The following LRRC61 variants were observed in gnomAD, a reference collection of about 807,000 sequenced individuals.
LRRC61 encodes the protein leucine rich repeat containing 61, also known as leucine-rich repeat-containing protein 61.
LRRC61 carries 9 observed loss-of-function variants against 15.1 expected under a neutral mutation model. The observed-to-expected ratio is 0.60, with a 90% CI of 0.36 to 1.04. LRRC61 has a LOEUF of 1.04. LRRC61 is among the 50% of genes least tolerant of loss of function. The pLI is 0.01. For missense variants in LRRC61, 344 were observed against 335.6 expected, an observed-to-expected ratio of 1.03 and a Z score of -0.20; for synonymous variants, 173 against 158.6, an observed-to-expected ratio of 1.09 and a Z score of -0.68.
chr7:150,316,351 C>T, the LRRC61 span, among the ~76,000 whole-genome samples: 2 of 152,192 alleles, frequency 1.3e-5, no homozygotes, highest in African/African-American at 4.8e-5. Context: ...AGTGTTTCGA[C>T]TGTAGTAGCT....
At chr7:150,322,658 G>A (rs960052949), upstream of LRRC61, 5 of 152,162 alleles carry the variant, frequency 3.3e-5, no homozygotes, top group Non-Finnish European at 5.9e-5. Flanking sequence ...CCAAAAAATG[G>A]GTAACCAGTA....
chr7:150,329,259 A>C (rs1318531703), intron 2 of LRRC61, among the ~76,000 whole-genome samples: 7 of 152,230 alleles, frequency 4.6e-5, no homozygotes, highest in African/African-American at 1.7e-4. Context: ...TCAGTACCTG[A>C]GAAGAGTAAA....
rs1798257920 is a variant in LRRC61, at chr7:150,335,431, A to G, written c.-144-1287A>G. ...GGAGCTAGATAAGGAAATGGGGGCC[A>G]TAAGCACAAGGACTCCCCTTTCCAG... On this transcript the variant is annotated intron_variant, in intron 2 of 2. Coordinates refer to ENST00000359623, the MANE Select transcript of LRRC61 (RefSeq NM_001142928.2). The surrounding 1 kb of genome is among the most constrained non-coding windows in gnomAD (Gnocchi z 4.3). Among the ~76,000 whole-genome samples the G allele has an allele frequency of 6.6e-6, 1 of 152,258 alleles. No individual in the cohort carries two copies. Among genetic ancestry groups the G allele is most frequent in the Non-Finnish European group, 1.5e-5 (1 of 68,046 alleles).
chr7:150,330,632 G>A lies in LRRC61; in HGVS notation c.-145+4622G>A. On this transcript the variant is annotated intron_variant, in intron 2 of 2. Transcript: ENST00000359623. The surrounding 1 kb of genome is among the most constrained non-coding windows in gnomAD (Gnocchi z 4.6). ...GCGAGGAGTTTGTGCTGGCCACCTT[G>A]CTGGACCCTTGCTTCAAGGGGAAGA... 1.1e-6 allele frequency: 1 copy of A among 926,292 alleles called. No individual in the cohort carries two copies. The highest frequency in any genetic ancestry group is 1.8e-6 in the Non-Finnish European group (1 of 551,394). The allele number at this position is 926,292 out of a possible 1,614,324, so 57.4% of individuals were successfully genotyped here. A position where few individuals can be genotyped will look rare whatever the true frequency, so the allele number is the denominator to read the frequency against.
At chr7:150,327,489 C>T (rs1797986242) in intron 2 of LRRC61, among the ~76,000 whole-genome samples, 1 of 152,112 alleles carries the variant, frequency 6.6e-6, no homozygotes, top group Non-Finnish European at 1.5e-5. Flanking sequence ...ATTCATCTGT[C>T]TCCTTTTAAA....
rs983253610 is a variant in LRRC61 at position 150,333,896 on chromosome 7, C to G, written c.-144-2822C>G. The G allele has an allele frequency of 5.1e-6, 5 of 985,186 alleles. No individual in the cohort carries two copies. The African/African-American group carries it at 7.0e-5, about 14-fold the overall frequency. The allele number at this position is 985,186 out of a possible 1,614,324, so 61.0% of individuals were successfully genotyped here. A position where few individuals can be genotyped will look rare whatever the true frequency, so the allele number is the denominator to read the frequency against. On this transcript the variant is annotated intron_variant, in intron 2 of 2. Transcript: ENST00000359623. The surrounding 1 kb of genome is among the most constrained non-coding windows in gnomAD (Gnocchi z 4.3). Reference sequence around the variant, plus strand: ...GTGTGCAGGTGATGGACCAGAAACACAGCAGAGGTCACTGACCCCCAAGAG... The same window carrying G: ...GTGTGCAGGTGATGGACCAGAAACAGAGCAGAGGTCACTGACCCCCAAGAG...
rs1798265286 is a variant in LRRC61 at position 150,335,728 on chromosome 7, A to C, written c.-144-990A>C. Among the ~76,000 whole-genome samples the C allele has an allele frequency of 6.6e-6, 1 of 152,184 alleles. No individual in the cohort carries two copies. Among genetic ancestry groups the C allele is most frequent in the South Asian group, 2.1e-4 (1 of 4,832 alleles). The stretch of plus-strand genomic sequence containing the variant: ...CTGGCCAAAGTCTGCCAGGTTGGGA[A>C]AGCTGCGCTTGGAAGAGGTCTGTTA... On this transcript the variant is annotated intron_variant, in intron 2 of 2. Coordinates refer to ENST00000359623, the MANE Select transcript of LRRC61 (RefSeq NM_001142928.2). The surrounding 1 kb of genome is among the most constrained non-coding windows in gnomAD (Gnocchi z 4.3).
chr7:150,336,828 C>T lies in LRRC61; in HGVS notation c.-34C>T, dbSNP rs1321564618. On this transcript the variant is annotated 5_prime_UTR_variant, in exon 3 of 3. Coordinates refer to ENST00000359623, the MANE Select transcript of LRRC61 (RefSeq NM_001142928.2). The stretch of plus-strand genomic sequence containing the variant: ...CAGTGGAACCCTGTGACAGTCCTGC[C>T]AGGGCCCAGGCCATCCCAACCGACT... 6.4e-7 allele frequency: 1 copy of T among 1,571,070 alleles called. No homozygotes were observed. The highest frequency in any genetic ancestry group is 8.6e-7 in the Non-Finnish European group (1 of 1,156,600).
Position 150,337,082 on chromosome 7 carries a change from T to C in LRRC61, c.221T>C (p.Leu74Ser). 1.2e-6 allele frequency: 2 copies of C among 1,612,860 alleles called. No homozygotes were observed. The highest frequency in any genetic ancestry group is 1.1e-5 in the South Asian group (1 of 91,074). The change falls in exon 3 of 3, where the codon TTG becomes TCG. Residue 74 changes from leucine (L) to serine (S), a missense_variant. Physicochemically the swap from Leu to Ser is moderately radical, Grantham distance 145. Transcript: ENST00000359623. ...ACCCACCTGGGCCCGCTGGCCTCCTTGCGCCAGCTAGCTGTGCTCAATGTC... is the reference window on the plus strand; with the variant it reads ...ACCCACCTGGGCCCGCTGGCCTCCTCGCGCCAGCTAGCTGTGCTCAATGTC... ...ALTHLGPLAS[L>S]RQLAVLNVSN...
chr7:150,335,034 A>G lies in LRRC61; in HGVS notation c.-144-1684A>G, dbSNP rs1180997823. Among the ~76,000 whole-genome samples, 2 of 150,100 alleles carry G rather than the reference A, an allele frequency of 1.3e-5. No homozygotes were observed. Among genetic ancestry groups the G allele is most frequent in the African/African-American group, 4.9e-5 (2 of 40,950 alleles). ...AACAAGAGTGAAACTCTGTCTCAAAAAAAAAAAAAAAAAAGAAAAAAAGGA... is the reference window on the plus strand; with the variant it reads ...AACAAGAGTGAAACTCTGTCTCAAAGAAAAAAAAAAAAAAGAAAAAAAGGA... On this transcript the variant is annotated intron_variant, in intron 2 of 2. Transcript: ENST00000359623. This position sits in a 1 kb window ranked among gnomAD's most constrained non-coding sequence, Gnocchi z 4.3.
At chr7:150,327,664 T>G (rs911204622) in intron 2 of LRRC61, among the ~76,000 whole-genome samples, 2 of 151,736 alleles carry the variant, frequency 1.3e-5, no homozygotes, top group African/African-American at 2.4e-5. Flanking sequence ...ACAAAAAAAT[T>G]AAAAGAATTA....
rs763925605 is a variant in LRRC61 at position 150,330,890 on chromosome 7, G to T, written c.-145+4880G>T. Reference sequence around the variant, plus strand: ...GCAGCCACTCTGGGGCCTTCCTGCTGGCCCAGAGGGAGAAGGGCTTGCTGG... The same window carrying T: ...GCAGCCACTCTGGGGCCTTCCTGCTTGCCCAGAGGGAGAAGGGCTTGCTGG... On this transcript the variant is annotated intron_variant, in intron 2 of 2. Transcript: ENST00000359623. The surrounding 1 kb of genome is among the most constrained non-coding windows in gnomAD (Gnocchi z 4.6). 6.2e-7 allele frequency: 1 copy of T among 1,611,672 alleles called. No individual in the cohort carries two copies. The highest frequency in any genetic ancestry group is 1.3e-5 in the African/African-American group (1 of 74,892).
chr7:150,318,260 A>ATCCC, the LRRC61 span, among the ~76,000 whole-genome samples: 4 of 152,168 alleles, frequency 2.6e-5, no homozygotes, highest in Non-Finnish European at 5.9e-5. Flanking sequence ...CTCTGCCAAA[A>ATCCC]GACACGAGGG....
rs1471981394 is a variant in LRRC61 at position 150,337,115 on chromosome 7, A to G, written c.254A>G (p.Asn85Ser). Reference protein sequence around the residue: ...RQLAVLNVSNNRLTGLEPLAT... With the variant: ...RQLAVLNVSNSRLTGLEPLAT... ...CTAGCTGTGCTCAATGTCTCCAACA[A>G]TCGGCTGACGGGCCTGGAGCCACTG... Residue 85 changes from asparagine (N) to serine (S), a missense_variant, in exon 3 of 3, where the codon AAT (asparagine) becomes AGT (serine). Asn to Ser is a conservative substitution (Grantham distance 46). Transcript: ENST00000359623. 7 of 1,612,320 alleles carry G rather than the reference A, an allele frequency of 4.3e-6. No homozygotes were observed. The highest frequency in any genetic ancestry group is 5.9e-6 in the Non-Finnish European group (7 of 1,179,866).
intron 2 of LRRC61, chr7:150,331,496 C>T (rs1380996060): frequency 3.0e-5 from 6 of 196,746 alleles, no homozygotes; most frequent in Non-Finnish European, 6.8e-5. Flanking sequence ...ATTTTTTTTT[C>T]TGGGAGATGT....
upstream of LRRC61, among the ~76,000 whole-genome samples, chr7:150,319,324 T>C (rs1032024816): frequency 2.6e-5 from 4 of 151,966 alleles, no homozygotes; most frequent in East Asian, 7.7e-4. Flanking sequence ...TCTCCTGCCT[T>C]GGCCTCCCGA....
At chr7:150,323,083 T>C (rs1211793234), upstream of LRRC61, 1 of 158,704 alleles carries the variant, frequency 6.3e-6, no homozygotes, top group African/African-American at 2.4e-5. Flanking sequence ...CCAACATGTA[T>C]TGAACAAGGG....
upstream of LRRC61, chr7:150,322,644 A>G (rs1332413518): frequency 6.6e-6 from 1 of 152,240 alleles, no homozygotes; most frequent in Admixed American, 6.5e-5. Flanking sequence ...TAATCAAGAA[A>G]TAACCAAAAA....
intron 1 of LRRC61, among the ~76,000 whole-genome samples, chr7:150,323,965 T>TTG: frequency 6.6e-6 from 1 of 152,332 alleles, no homozygotes; most frequent in South Asian, 2.1e-4. Flanking sequence ...AGATCTCACT[T>TTG]TGTGTCATTT....
Sources: allele counts gnomAD v4.1 joint callset (sites outside exome capture counted in the v4.1 genomes callset), GRCh38; gene constraint gnomAD v4.1.1; non-coding constraint Gnocchi (gnomAD v3.1); transcripts MANE v1.5; gene names NCBI Gene and HGNC (gene_info 2026-07-23, HGNC 2026-07-21).